PABPC1L: variants seen among roughly 807,000 people sequenced by gnomAD.
PABPC1L encodes polyadenylate-binding protein 1-like.
PABPC1L carries 31 observed loss-of-function variants against 66.6 expected under a neutral mutation model. The observed-to-expected ratio is 0.47, with a 90% CI of 0.35 to 0.63. PABPC1L has a LOEUF of 0.63. PABPC1L is among the 20% of genes least tolerant of loss of function. The pLI is 0.00. For synonymous variants in PABPC1L, 348 were observed against 335.1 expected, an observed-to-expected ratio of 1.04 and a Z score of -0.42; for missense variants, 722 against 848.8, an observed-to-expected ratio of 0.85 and a Z score of 1.86.
chr20:44,918,906 C>T lies in PABPC1L; in HGVS notation c.504C>T (p.Val168=), dbSNP rs2066754234. The T allele has an allele frequency of 6.3e-7, 1 of 1,584,276 alleles. No homozygotes were observed. The highest frequency in any genetic ancestry group is 8.6e-7 in the Non-Finnish European group (1 of 1,165,408). ...ATGAGCCAGTGTGTCATGTCCACAG[C>T]TTTGTGGGTCACTTCAAGTCTCGAC... ...MNGMLLNDRK[V]FVGHFKSRRE... Residue 168 remains valine, a splice_region_variant and synonymous_variant, in exon 4 of 15, where the codon GTC becomes GTT. Transcript: ENST00000217073.
chr20:44,933,163 G>T lies in PABPC1L; in HGVS notation c.1437G>T (p.Thr479=), dbSNP rs536655835. 4.4e-6 allele frequency: 7 copies of T among 1,608,116 alleles called. No individual in the cohort carries two copies. Among genetic ancestry groups the T allele is most frequent in the Non-Finnish European group, 5.9e-6 (7 of 1,177,906 alleles). ...VRQASTQVPR[T]VPHTQRVANI... ...AGGCCTCCACCCAGGTGCCACGCAC[G>T]GTGCCTCATACCCAGAGAGTAGGTG... Residue 479 remains threonine, a synonymous_variant, in exon 10 of 15, where the codon ACG becomes ACT. Coordinates refer to ENST00000217073, the MANE Select transcript of PABPC1L (RefSeq NM_001372179.1).
chr20:44,930,997 T>TTTCCTTCCTTCCTCCC (rs144338158), intron 8 of PABPC1L, among the ~76,000 whole-genome samples: 1 of 93,880 alleles, frequency 1.1e-5, no homozygotes, highest in African/African-American at 4.5e-5. Flanking sequence ...GACCTACATT[T>TTTCCTTCCTTCCTCCC]TTCCTTCCTC....
intron 5 of PABPC1L, among the ~76,000 whole-genome samples, chr20:44,920,306 C>G (rs1435408267): frequency 1.3e-5 from 2 of 152,144 alleles, no homozygotes; most frequent in African/African-American, 2.4e-5. Context: ...TCCATCTGTT[C>G]ATTCCTCCAT....
At chr20:44,932,457 C>A in intron 9 of PABPC1L, 25 bp downstream of exon 9, 3 of 1,588,184 alleles carry the variant, frequency 1.9e-6, no homozygotes, top group South Asian at 1.1e-5. Context: ...CCCTTCCACT[C>A]TCAGACTGGC....
chr20:44,938,752 G>T lies in PABPC1L; in HGVS notation c.*6+4G>T. 6.2e-7 allele frequency: 1 copy of T among 1,608,616 alleles called. No homozygotes were observed. Among genetic ancestry groups the T allele is most frequent in the Non-Finnish European group, 8.5e-7 (1 of 1,177,670 alleles). ...GGCGTACATGCACTGAAACCAGGTG[G>T]GTGGAATGGTGACAGAAGCAGCTGA... On this transcript the variant is annotated splice_donor_region_variant and intron_variant, in intron 14 of 14. Coordinates refer to ENST00000217073, the MANE Select transcript of PABPC1L (RefSeq NM_001372179.1).
rs753870900 is a variant in PABPC1L, at chr20:44,921,621, G to A, written c.766G>A (p.Val256Met). 6.2e-7 allele frequency: 1 copy of A among 1,614,044 alleles called. No individual in the cohort carries two copies. Among genetic ancestry groups the A allele is most frequent in the Admixed American group, 1.7e-5 (1 of 59,998 alleles). The change falls in exon 6 of 15, where the codon GTG becomes ATG. Residue 256 changes from valine to methionine, a missense_variant. Val to Met is a conservative substitution (Grantham distance 21). Transcript: ENST00000217073. ...KAVVHMNGKE[V>M]SGRLLYAGRA... ...CGTGGTCCATATGAACGGGAAGGAG[G>A]TGAGCGGGCGGCTGCTGTACGCGGG...
rs1484351744 is a variant in PABPC1L at position 44,910,249 on chromosome 20, C to T, written c.106C>T (p.Pro36Ser). The change falls in exon 1 of 15, where the codon CCC becomes TCC. Residue 36 changes from proline to serine, a missense_variant. Around this residue, in one of 3 missense-constraint regions of PABPC1L, gnomAD observed 284 missense variants for 294.8 expected, o/e 0.96. Coordinates refer to ENST00000217073, the MANE Select transcript of PABPC1L (RefSeq NM_001372179.1). The part of the protein sequence containing the change: ...MLYEKFSPAG[P>S]ILSIRVCRDV... ...CTATGAGAAGTTCTCTCCCGCCGGC[C>T]CCATCCTGTCCATCCGCGTGTGCCG... 2.6e-6 allele frequency: 4 copies of T among 1,564,582 alleles called. No homozygotes were observed. Among genetic ancestry groups the T allele is most frequent in the African/African-American group, 2.7e-5 (2 of 73,210 alleles).
chr20:44,923,615 G>T (rs539279122), intron 6 of PABPC1L, among the ~76,000 whole-genome samples: 1 of 151,310 alleles, frequency 6.6e-6, no homozygotes, highest in East Asian at 1.9e-4. Context: ...GGCAACAAGA[G>T]CAAAAATCCA....
At chr20:44,918,289 C>A (rs1226982487) in intron 3 of PABPC1L, among the ~76,000 whole-genome samples, 1 of 152,166 alleles carries the variant, frequency 6.6e-6, no homozygotes, top group Non-Finnish European at 1.5e-5. Flanking sequence ...GAGATGGCAC[C>A]ACTGTACTCC....
Position 44,932,916 on chromosome 20 carries a change from ACTC to A in PABPC1L, c.1331-138_1331-136del. The A allele has an allele frequency of 1.2e-5, 7 of 605,540 alleles. No individual in the cohort carries two copies. In the South Asian group the frequency reaches 1.3e-4, roughly 12 times the overall value. The allele number at this position is 605,540 out of a possible 1,614,324, so 37.5% of individuals were successfully genotyped here. On this transcript the variant is annotated intron_variant, in intron 9 of 14. Transcript: ENST00000217073. ...TGGAGTTCTGGGTCTAAGTGAATTG[ACTC>A]CTATTTCTGTTGTGAATGTTGTAGT...
chr20:44,938,739 C>G lies in PABPC1L; in HGVS notation c.1857C>G (p.His619Gln). 1 of 1,610,948 alleles carries G rather than the reference C, an allele frequency of 6.2e-7. No individual in the cohort carries two copies. The change falls in exon 14 of 15, where the codon CAC (histidine) becomes CAG (glutamine). Residue 619 changes from histidine to glutamine, a missense_variant. By Grantham distance (24) the His-to-Gln change is conservative. Transcript: ENST00000217073. ...TGGAGCAGCCGAAGGCGTACATGCA[C>G]TGAAACCAGGTGGGTGGAATGGTGA... ...QAMEQPKAYMH is the reference protein window; with the variant it reads ...QAMEQPKAYMQ
chr20:44,928,723 G>T (rs1430963589), intron 7 of PABPC1L, among the ~76,000 whole-genome samples: 1 of 151,800 alleles, frequency 6.6e-6, no homozygotes, highest in Non-Finnish European at 1.5e-5. Context: ...ACAAAATTAG[G>T]CATGGTGGTG....
Position 44,910,278 on chromosome 20 carries a change from T to A in PABPC1L, c.135T>A (p.Asp45Glu). 6.4e-7 allele frequency: 1 copy of A among 1,552,394 alleles called. No homozygotes were observed. Among genetic ancestry groups the A allele is most frequent in the Non-Finnish European group, 8.7e-7 (1 of 1,147,530 alleles). ...TCCTGTCCATCCGCGTGTGCCGCGA[T>A]GTAGCCACCCGGCGCTCGCTGGGCT... ...GPILSIRVCRDVATRRSLGYA... is the reference protein window; with the variant it reads ...GPILSIRVCREVATRRSLGYA... The change falls in exon 1 of 15, where the codon GAT becomes GAA. Residue 45 changes from aspartate to glutamate, a missense_variant. Physicochemically the swap from Asp to Glu is conservative, Grantham distance 45. This residue lies in a region of PABPC1L where 284 missense variants were observed against 294.8 expected (regional missense o/e 0.96). Coordinates refer to ENST00000217073, the MANE Select transcript of PABPC1L (RefSeq NM_001372179.1).
At chr20:44,926,233 T>A (rs961763340) in intron 7 of PABPC1L, among the ~76,000 whole-genome samples, 2 of 152,146 alleles carry the variant, frequency 1.3e-5, no homozygotes, top group African/African-American at 2.4e-5. Context: ...AATATATCTA[T>A]TTTTTGTGTG....
At chr20:44,936,437 G>A (rs1348925736) in intron 11 of PABPC1L, among the ~76,000 whole-genome samples, 200 bp from the exon 12 acceptor site, 8 of 152,246 alleles carry the variant, frequency 5.3e-5, no homozygotes, top group East Asian at 3.9e-4. Context: ...TACAGGAAAC[G>A]TCTAAGCTAG....
intron 9 of PABPC1L, 27 bp from the exon 10 acceptor site, chr20:44,933,028 TTC>T (rs2066873352): frequency 1.3e-6 from 2 of 1,488,782 alleles, no homozygotes; most frequent in Admixed American, 2.0e-5. Flanking sequence ...CATCCAACTT[TTC>T]TCTCTCTGTG....
chr20:44,934,373 A>G (rs2066884618), intron 10 of PABPC1L, among the ~76,000 whole-genome samples: 1 of 152,216 alleles, frequency 6.6e-6, no homozygotes, highest in Admixed American at 6.5e-5. Flanking sequence ...TGTACAGATC[A>G]ATGGCATTAA....
In PABPC1L at chr20:44,930,649, A is replaced by G. The variant is rs753084519; in HGVS notation, c.1162A>G (p.Thr388Ala). ...CAACCAGTACATGCAGCGCCTCTCC[A>G]CCATGCGGACCCTGAGCAACCCCCT... ...LTNQYMQRLS[T>A]MRTLSNPLLG... The change falls in exon 8 of 15, where the codon ACC (threonine) becomes GCC (alanine). Residue 388 changes from threonine to alanine, a missense_variant. By Grantham distance (58) the Thr-to-Ala change is moderately conservative. Around this residue, in one of 3 missense-constraint regions of PABPC1L, gnomAD observed 301 missense variants for 337.2 expected, o/e 0.89. Coordinates refer to ENST00000217073, the MANE Select transcript of PABPC1L (RefSeq NM_001372179.1). 1 of 1,614,136 alleles carries G rather than the reference A, an allele frequency of 6.2e-7. No homozygotes were observed. The highest frequency in any genetic ancestry group is 8.5e-7 in the Non-Finnish European group (1 of 1,180,030).
chr20:44,916,646 C>T (rs2066739481), intron 2 of PABPC1L, 110 bp from the exon 3 acceptor site: 2 of 1,019,764 alleles, frequency 2.0e-6, no homozygotes, highest in Non-Finnish European at 3.1e-6. Flanking sequence ...GCAGGATTGC[C>T]TTTTCCAGGC....
Sources: gnomAD v4.1 joint callset for allele counts (sites outside exome capture counted in the v4.1 genomes callset) on GRCh38, gnomAD v4.1.1 for gene constraint, gnomAD v4.1.1 regional missense constraint, MANE v1.5 for transcripts, NCBI Gene and HGNC (gene_info 2026-07-23, HGNC 2026-07-21) for gene names.